THADA: variants seen among roughly 807,000 people sequenced by gnomAD.
The protein encoded by THADA is THADA armadillo repeat containing.
A neutral mutation model predicts 219.8 loss-of-function variants in THADA; 213 were observed. The ratio of observed to expected loss-of-function variants is 0.97; its 90% confidence interval spans 0.87 to 1.09. The LOEUF is 1.09. Ranked by LOEUF, THADA falls within the 50% of genes least tolerant of loss-of-function variation. THADA has a pLI of 0.00. For synonymous variants in THADA, 1,018 were observed against 828.9 expected (o/e 1.23, Z -3.92); for missense variants, 2,956 against 2,311.3 (o/e 1.28, Z -5.72).
chr2:43,254,895 C>T (rs1303348213), intron 36 of THADA, among the ~76,000 whole-genome samples: 1 of 152,182 alleles, frequency 6.6e-6, no homozygotes, highest in Non-Finnish European at 1.5e-5. Context: ...ACATCCTTGT[C>T]TCCTGCACTC....
Position 43,390,363 on chromosome 2 carries a change from G to A in THADA, c.4227+7608C>T, listed in dbSNP as rs539109977. ...TGGCACTTTCCTATGGGTAAAGATA[G>A]TCTCAAACATGCAGTTGGTATACCT... is the stretch of plus-strand genomic sequence containing the variant. On this transcript the variant is annotated intron_variant, in intron 29 of 37. Transcript: ENST00000405975. 3.9e-5 allele frequency among the ~76,000 whole-genome samples: 6 copies of A among 152,276 alleles called. No individual in the cohort carries two copies. The East Asian group carries it at 7.7e-4, about 20-fold the overall frequency.
intron 8 of THADA, 131 bp downstream of exon 8, chr2:43,581,610 A>T: frequency 1.5e-6 from 1 of 688,678 alleles, no homozygotes; most frequent in Non-Finnish European, 2.3e-6. Context: ...TCCATTTTTG[A>T]GAGGCTGAGT....
intron 35 of THADA, among the ~76,000 whole-genome samples, chr2:43,284,180 A>C (rs905931389): frequency 6.6e-6 from 1 of 151,590 alleles, no homozygotes; most frequent in Non-Finnish European, 1.5e-5. Context: ...ACTCCATCTC[A>C]AAAAAAAAGA....
At chr2:43,517,808 C>G (rs1377662262) in intron 22 of THADA, among the ~76,000 whole-genome samples, 1 of 152,122 alleles carries the variant, frequency 6.6e-6, no homozygotes, top group Non-Finnish European at 1.5e-5. Flanking sequence ...TCAGAAAACA[C>G]AAAGATTTCC....
chr2:43,371,883 A>G (rs1670846569), intron 29 of THADA: 1 of 152,090 alleles, frequency 6.6e-6, no homozygotes, highest in Non-Finnish European at 1.5e-5. Flanking sequence ...AGCTAGGTTT[A>G]TGTGCTAACT....
At chr2:43,397,912 A>C in intron 29 of THADA, 59 bp downstream of exon 29, 1 of 1,583,486 alleles carries the variant, frequency 6.3e-7, no homozygotes. Context: ...ACAGTACATA[A>C]GAAACCAAAG....
At chr2:43,553,955 T>C (rs1316789246) in intron 17 of THADA, among the ~76,000 whole-genome samples, 1 of 152,232 alleles carries the variant, frequency 6.6e-6, no homozygotes, top group Admixed American at 6.5e-5. Context: ...TGTCCAATTG[T>C]AAAATGTGGT....
chr2:43,453,587 G>C (rs1456465812), intron 26 of THADA, among the ~76,000 whole-genome samples: 1 of 152,196 alleles, frequency 6.6e-6, no homozygotes, highest in East Asian at 1.9e-4. Flanking sequence ...AATTTATTAA[G>C]TTAGATATTC....
At chr2:43,409,023 G>A (rs1675948499) in intron 28 of THADA, among the ~76,000 whole-genome samples, 1 of 152,128 alleles carries the variant, frequency 6.6e-6, no homozygotes, top group Admixed American at 6.6e-5. Flanking sequence ...TTACTCTTCT[G>A]AGGGCTACAA....
chr2:43,430,350 C>A, intron 26 of THADA, 48 bp from the exon 27 acceptor site: 2 of 1,102,666 alleles, frequency 1.8e-6, no homozygotes, highest in Admixed American at 2.6e-5. Flanking sequence ...TCCCTTTGAT[C>A]TGACAATAAA....
At chr2:43,365,622 T>C (rs1670055388) in intron 29 of THADA, among the ~76,000 whole-genome samples, 1 of 150,184 alleles carries the variant, frequency 6.7e-6, no homozygotes, top group Admixed American at 6.6e-5. Flanking sequence ...ACAGGTCAGA[T>C]ATGAGGCAAA....
intron 26 of THADA, among the ~76,000 whole-genome samples, chr2:43,472,500 T>C (rs1261610851): frequency 2.0e-5 from 3 of 152,224 alleles, no homozygotes; most frequent in Non-Finnish European, 2.9e-5. Flanking sequence ...TGTTTGAAGC[T>C]AAACGGAAAG....
chr2:43,307,166 A>G (rs954105036), intron 31 of THADA, among the ~76,000 whole-genome samples: 2 of 152,238 alleles, frequency 1.3e-5, no homozygotes, highest in Non-Finnish European at 2.9e-5. Context: ...CAACAAGAAG[A>G]CAATAAGGGA....
intron 26 of THADA, among the ~76,000 whole-genome samples, chr2:43,432,566 CTG>C (rs1679504726): frequency 6.6e-6 from 1 of 151,326 alleles, no homozygotes; most frequent in Admixed American, 6.6e-5. Flanking sequence ...GAGAATAAAA[CTG>C]TAACATGTCT....
At chr2:43,384,503 T>A (rs1672405620) in intron 29 of THADA, among the ~76,000 whole-genome samples, 1 of 152,226 alleles carries the variant, frequency 6.6e-6, no homozygotes, top group Non-Finnish European at 1.5e-5. Flanking sequence ...ATTTCTAGCA[T>A]GTTCTTCCTA....
At chr2:43,579,780 G>A (rs889195776) in intron 8 of THADA, among the ~76,000 whole-genome samples, 3 of 152,108 alleles carry the variant, frequency 2.0e-5, no homozygotes, top group East Asian at 1.9e-4. Flanking sequence ...TGGCAACCAC[G>A]AGGCAACAAA....
At chr2:43,549,000 C>T (rs941478993) in intron 20 of THADA, among the ~76,000 whole-genome samples, 5 of 152,278 alleles carry the variant, frequency 3.3e-5, no homozygotes, top group Middle Eastern at 3.4e-3. Context: ...TGTTCCTATT[C>T]GGCCATCTTG....
intron 24 of THADA, among the ~76,000 whole-genome samples, chr2:43,499,579 G>A (rs1688677052): frequency 6.6e-6 from 1 of 152,086 alleles, no homozygotes; most frequent in Admixed American, 6.5e-5. Flanking sequence ...GTTTCAACAT[G>A]TTGGCCAGGC....
rs575691589 is a variant in THADA, at chr2:43,344,690, C to T, written c.4228-453G>A. Among the ~76,000 whole-genome samples, 5 of 151,978 alleles carry T rather than the reference C, an allele frequency of 3.3e-5. No individual in the cohort carries two copies. The South Asian group carries it at 8.3e-4, about 25-fold the overall frequency. On this transcript the variant is annotated intron_variant, in intron 29 of 37. Transcript: ENST00000405975. Reference sequence around the variant, plus strand: ...TCTGAGTTCATTAGAACAGTCGTGGCTAAAGAAGTAGGTCAAACTAATTCT... The same window carrying T: ...TCTGAGTTCATTAGAACAGTCGTGGTTAAAGAAGTAGGTCAAACTAATTCT...
Sources: gnomAD v4.1 joint callset for allele counts (sites outside exome capture counted in the v4.1 genomes callset) on GRCh38, gnomAD v4.1.1 for gene constraint, MANE v1.5 for transcripts, NCBI Gene and HGNC (gene_info 2026-07-23, HGNC 2026-07-21) for gene names.